VPS8: variants seen among roughly 807,000 people sequenced by gnomAD.
VPS8 encodes the protein VPS8 subunit of CORVET complex, also known as vacuolar protein sorting-associated protein 8 homolog.
Under a neutral mutation model 216.4 loss-of-function variants are expected in VPS8, and 129 were observed. That is an observed-to-expected ratio of 0.60 (90% CI 0.52 to 0.69). The LOEUF is 0.69. Ranked by LOEUF, VPS8 falls within the 30% of genes least tolerant of loss-of-function variation. The probability of loss-of-function intolerance (pLI) is 0.00; values close to 1 mark genes in which losing one functional copy is unlikely to be tolerated. For missense variants in VPS8, 1,531 were observed against 1,683.5 expected, an observed-to-expected ratio of 0.91 and a Z score of 1.59; for synonymous variants, 571 against 565.4, an observed-to-expected ratio of 1.01 and a Z score of -0.14.
At chr3:185,013,872 A>G (rs1205473799) in intron 45 of VPS8, among the ~76,000 whole-genome samples, 6 of 152,218 alleles carry the variant, frequency 3.9e-5, no homozygotes, top group Non-Finnish European at 7.3e-5. Context: ...GGACCAGTCA[A>G]TAATGATTCC....
intron 22 of VPS8, among the ~76,000 whole-genome samples, chr3:184,889,937 C>A (rs1271636587): frequency 2.6e-5 from 4 of 152,148 alleles, no homozygotes; most frequent in Non-Finnish European, 5.9e-5. Context: ...TTCAAACATG[C>A]AATGACTAAA....
At chr3:184,881,877 C>G (rs1730325025) in intron 21 of VPS8, among the ~76,000 whole-genome samples, 1 of 151,728 alleles carries the variant, frequency 6.6e-6, no homozygotes, top group African/African-American at 2.4e-5. Flanking sequence ...TATTGAATTT[C>G]TAATTTTGGT....
chr3:184,990,574 C>A (rs1318988147), intron 42 of VPS8, among the ~76,000 whole-genome samples: 3 of 152,170 alleles, frequency 2.0e-5, no homozygotes, highest in Non-Finnish European at 4.4e-5. Flanking sequence ...TGTAGCAATA[C>A]CTCATGTATC....
Position 184,868,479 on chromosome 3 carries a change from A to G in VPS8, c.1506+420A>G, listed in dbSNP as rs1426575755. Among the ~76,000 whole-genome samples the G allele has an allele frequency of 2.6e-5, 4 of 152,344 alleles. No homozygotes were observed. The East Asian group carries it at 7.7e-4, about 29-fold the overall frequency. On this transcript the variant is annotated intron_variant, in intron 18 of 47. Coordinates refer to ENST00000625842, the MANE Select transcript of VPS8 (RefSeq NM_001009921.3). ...ATTTTAGGAAGGAAGAAAGAAAAAT[A>G]AAGGCTGTCTCCTACCTCTTAAGAT...
At chr3:184,880,695 T>C (rs890852483) in intron 21 of VPS8, among the ~76,000 whole-genome samples, 2 of 152,222 alleles carry the variant, frequency 1.3e-5, no homozygotes, top group Non-Finnish European at 2.9e-5. Context: ...TTTACAATTG[T>C]TGGATCATAT....
chr3:184,999,862 G>C lies in VPS8; in HGVS notation c.4002+1G>C. ...AAAGGGAAGGATAACCCCATCACAG[G>C]TAAGACTTGTTTTCGTGGCAAAATG... On this transcript the variant is annotated splice_donor_variant, in intron 45 of 47. Coordinates refer to ENST00000625842, the MANE Select transcript of VPS8 (RefSeq NM_001009921.3). LOFTEE classifies it high-confidence loss of function. The C allele has an allele frequency of 6.2e-7, 1 of 1,602,090 alleles. No individual in the cohort carries two copies. Among genetic ancestry groups the C allele is most frequent in the Non-Finnish European group, 8.5e-7 (1 of 1,175,504 alleles).
At chr3:184,825,900 CAAA>C (rs933953308) in intron 2 of VPS8, among the ~76,000 whole-genome samples, 3 of 97,614 alleles carry the variant, frequency 3.1e-5, no homozygotes, top group African/African-American at 3.9e-5. Flanking sequence ...GACTCTGTCT[CAAA>C]AAAAAAAAAA....
At chr3:185,026,892 G>T (rs1203247174) in intron 46 of VPS8, among the ~76,000 whole-genome samples, 3 of 151,328 alleles carry the variant, frequency 2.0e-5, no homozygotes, top group Non-Finnish European at 4.4e-5. Flanking sequence ...TGTATTTCCA[G>T]TAGAGACAGG....
chr3:184,892,962 A>G (rs1042766042), intron 22 of VPS8, among the ~76,000 whole-genome samples: 1 of 152,204 alleles, frequency 6.6e-6, no homozygotes, highest in African/African-American at 2.4e-5. Flanking sequence ...TTCTTACAGT[A>G]AAACTCCATT....
chr3:184,982,482 TC>T, intron 40 of VPS8, 83 bp from the exon 41 acceptor site: 1 of 954,150 alleles, frequency 1.0e-6, no homozygotes, highest in Non-Finnish European at 1.6e-6. Context: ...CTGTAAAACA[TC>T]ATGCTGATGT....
intron 28 of VPS8, among the ~76,000 whole-genome samples, chr3:184,916,426 G>A (rs192550410): frequency 2.0e-5 from 3 of 152,126 alleles, no homozygotes; most frequent in East Asian, 1.9e-4. Context: ...AAGACAGGAC[G>A]GAAATACACC....
In VPS8 at chr3:184,928,483, A is replaced by T; in HGVS notation, c.2664A>T (p.Ile888=). The change falls in exon 32 of 48, where the codon ATA becomes ATT. Residue 888 remains isoleucine (I), a synonymous_variant. Transcript: ENST00000625842. ...TAGAATTGCTGCAGGCTGGAGGCAT[A>T]GTTCAATTTGAAGAGAGTCGACTCA... ...VLLELLQAGG[I]VQFEESRLIR... 4 of 1,534,704 alleles carry T rather than the reference A, an allele frequency of 2.6e-6. No homozygotes were observed. The highest frequency in any genetic ancestry group is 3.5e-6 in the Non-Finnish European group (4 of 1,153,004).
In VPS8 at chr3:184,924,856, C is replaced by G; in HGVS notation, c.2455-6C>G. On this transcript the variant is annotated splice_region_variant and splice_polypyrimidine_tract_variant and intron_variant, in intron 29 of 47. Coordinates refer to ENST00000625842, the MANE Select transcript of VPS8 (RefSeq NM_001009921.3). ...TATTGAATAAATGGTCTCCTTTGCTCTTCAGGTTATGGTGGAGAATTCAGA... is the reference window on the plus strand; with the variant it reads ...TATTGAATAAATGGTCTCCTTTGCTGTTCAGGTTATGGTGGAGAATTCAGA... 6.2e-7 allele frequency: 1 copy of G among 1,607,406 alleles called. No homozygotes were observed. Among genetic ancestry groups the G allele is most frequent in the Non-Finnish European group, 8.5e-7 (1 of 1,178,152 alleles).
chr3:185,007,602 A>G (rs1754443445), intron 45 of VPS8, among the ~76,000 whole-genome samples: 1 of 152,216 alleles, frequency 6.6e-6, no homozygotes, highest in South Asian at 2.1e-4. Context: ...ATTGTTATGT[A>G]CCAGAATATT....
At chr3:184,889,990 A>T (rs1732043572) in intron 22 of VPS8, among the ~76,000 whole-genome samples, 1 of 152,194 alleles carries the variant, frequency 6.6e-6, no homozygotes, top group Admixed American at 6.5e-5. Flanking sequence ...TAAATAGTTC[A>T]GTCTAACCAC....
intron 39 of VPS8, among the ~76,000 whole-genome samples, chr3:184,968,711 T>G (rs1747829831): frequency 6.6e-6 from 1 of 152,216 alleles, no homozygotes; most frequent in Non-Finnish European, 1.5e-5. Context: ...CATTTTTTAA[T>G]TGGGTTGTTT....
At chr3:184,972,297 T>C (rs1178016940) in intron 40 of VPS8, among the ~76,000 whole-genome samples, 1 of 152,214 alleles carries the variant, frequency 6.6e-6, no homozygotes, top group African/African-American at 2.4e-5. Context: ...TTAAGGTGCA[T>C]GAATGCTAGA....
chr3:184,862,701 A>G (rs1726594586), intron 15 of VPS8, among the ~76,000 whole-genome samples, 196 bp from the exon 16 acceptor site: 1 of 152,220 alleles, frequency 6.6e-6, no homozygotes. Context: ...AACATTTTCA[A>G]AAGTCAGTAG....
chr3:185,031,070 T>TTTTTG (rs1758074330), intron 46 of VPS8, among the ~76,000 whole-genome samples: 2 of 141,860 alleles, frequency 1.4e-5, no homozygotes, highest in African/African-American at 5.4e-5. Context: ...GGCGTTTTTT[T>TTTTTG]TTTTTTTTTT....
Sources: allele counts gnomAD v4.1 joint callset (sites outside exome capture counted in the v4.1 genomes callset), GRCh38; gene constraint gnomAD v4.1.1; transcripts MANE v1.5; gene names NCBI Gene and HGNC (gene_info 2026-07-23, HGNC 2026-07-21).